TRAPPC9: variants seen among roughly 807,000 people sequenced by gnomAD.
The protein encoded by TRAPPC9 is IKK2 binding protein.
A neutral mutation model predicts 124.0 loss-of-function variants in TRAPPC9; 83 were observed. That is an observed-to-expected ratio of 0.67 (90% confidence interval 0.56 to 0.80). The LOEUF is 0.80. Ranked by LOEUF, TRAPPC9 falls within the 30% of genes least tolerant of loss-of-function variation. TRAPPC9 has a pLI of 0.00. For synonymous variants in TRAPPC9, 638 were observed against 617.5 expected, an observed-to-expected ratio of 1.03 and a Z score of -0.49; for missense variants, 1,302 against 1,508.3, an observed-to-expected ratio of 0.86 and a Z score of 2.27.
intron 17 of TRAPPC9, among the ~76,000 whole-genome samples, chr8:140,052,692 G>T (rs941989173): frequency 6.6e-6 from 1 of 151,972 alleles, no homozygotes; most frequent in Non-Finnish European, 1.5e-5. Context: ...TGAGGCAGGA[G>T]AATTGCTTGA....
chr8:139,769,147 C>T (rs987089275), intron 21 of TRAPPC9, among the ~76,000 whole-genome samples: 8 of 152,198 alleles, frequency 5.3e-5, no homozygotes, highest in Non-Finnish European at 7.3e-5. Context: ...CTGTTATCCT[C>T]GGGGGCAGGT....
intron 18 of TRAPPC9, among the ~76,000 whole-genome samples, chr8:140,006,142 G>T (rs1838732051): frequency 6.6e-6 from 1 of 152,178 alleles, no homozygotes; most frequent in African/African-American, 2.4e-5. Context: ...AACAGGTTTA[G>T]TGGCAGATGG....
At chr8:140,245,085 C>T (rs1327272311) in intron 16 of TRAPPC9, among the ~76,000 whole-genome samples, 12 of 152,114 alleles carry the variant, frequency 7.9e-5, no homozygotes, top group Middle Eastern at 6.8e-3. Flanking sequence ...ATTACAGGCA[C>T]GAGCCACCGC....
chr8:139,988,269 T>C (rs1399263944), intron 19 of TRAPPC9, among the ~76,000 whole-genome samples: 2 of 151,678 alleles, frequency 1.3e-5, no homozygotes, highest in Non-Finnish European at 2.9e-5. Context: ...TGCACCACCA[T>C]GCCCGGGTAG....
At chr8:140,112,740 T>G (rs1258612958) in intron 17 of TRAPPC9, among the ~76,000 whole-genome samples, 3 of 152,188 alleles carry the variant, frequency 2.0e-5, no homozygotes, top group Non-Finnish European at 4.4e-5. Flanking sequence ...CCCCTTTTAA[T>G]AGGTGGCCTT....
chr8:140,221,647 G>A, intron 16 of TRAPPC9, 64 bp from the exon 17 acceptor site: 3 of 1,557,162 alleles, frequency 1.9e-6, no homozygotes, highest in Non-Finnish European at 1.7e-6. Flanking sequence ...TGTTGTTGTT[G>A]TTGTTGTTTG....
intron 15 of TRAPPC9, 37 bp downstream of exon 15, chr8:140,275,607 CAAGTAAACAATACA>C: frequency 6.4e-7 from 1 of 1,574,256 alleles, no homozygotes; most frequent in South Asian, 1.1e-5. Context: ...ATCTCTTCTA[CAAGTAAACAATACA>C]AACATTCCCA....
intron 17 of TRAPPC9, among the ~76,000 whole-genome samples, chr8:140,030,978 T>A (rs1840461884): frequency 6.6e-6 from 1 of 152,232 alleles, no homozygotes; most frequent in African/African-American, 2.4e-5. Flanking sequence ...ACTGTATGGT[T>A]AATGAGGCTA....
In TRAPPC9 at chr8:139,727,993, C is replaced by T. The variant is rs1446226164; in HGVS notation, c.*3068G>A. On this transcript the variant is annotated 3_prime_UTR_variant, in exon 23 of 23. Coordinates refer to ENST00000438773, the MANE Select transcript of TRAPPC9 (RefSeq NM_001160372.4). The stretch of plus-strand genomic sequence containing the variant: ...CAATGGGAAGGCTAGGAGAAGGGAC[C>T]CAGTATTTATTAAGAAGTTGCTATC... Among the ~76,000 whole-genome samples, 2 of 151,304 alleles carry T rather than the reference C, an allele frequency of 1.3e-5. No homozygotes were observed. The highest frequency in any genetic ancestry group is 2.4e-5 in the African/African-American group (1 of 40,956).
At chr8:140,408,273 G>C (rs934164146) in intron 5 of TRAPPC9, among the ~76,000 whole-genome samples, 69 of 152,124 alleles carry the variant, frequency 4.5e-4, no homozygotes, top group Admixed American at 4.5e-3. Flanking sequence ...GCATGGATGA[G>C]AAGTCACGGG....
At chr8:140,317,761 T>C (rs2066478898) in intron 9 of TRAPPC9, among the ~76,000 whole-genome samples, 1 of 152,226 alleles carries the variant, frequency 6.6e-6, no homozygotes, top group South Asian at 2.1e-4. Context: ...TATTGTACTA[T>C]GTTCTTTAGA....
At chr8:139,985,386 C>T (rs1837178933) in intron 19 of TRAPPC9, among the ~76,000 whole-genome samples, 1 of 152,200 alleles carries the variant, frequency 6.6e-6, no homozygotes, top group African/African-American at 2.4e-5. Context: ...AGTCCGAGGG[C>T]TGACAGTTCC....
At chr8:140,377,316 GAGAC>G (rs2068470949) in intron 7 of TRAPPC9, among the ~76,000 whole-genome samples, 1 of 148,456 alleles carries the variant, frequency 6.7e-6, no homozygotes, top group South Asian at 2.1e-4. Context: ...CTCTTTTTTT[GAGAC>G]AGAATTTCAC....
At chr8:140,418,154 T>C (rs1182689817) in intron 5 of TRAPPC9, among the ~76,000 whole-genome samples, 1 of 152,132 alleles carries the variant, frequency 6.6e-6, no homozygotes, top group South Asian at 2.1e-4. Flanking sequence ...GGCACGTGTA[T>C]ACCTATATAA....
At chr8:140,215,348 C>T (rs1368988569) in intron 17 of TRAPPC9, among the ~76,000 whole-genome samples, 1 of 152,078 alleles carries the variant, frequency 6.6e-6, no homozygotes, top group African/African-American at 2.4e-5. Flanking sequence ...TTAGAAGAGA[C>T]ACAGAGGGCA....
intron 17 of TRAPPC9, chr8:140,040,694 G>C (rs1429683695): frequency 6.6e-6 from 1 of 152,342 alleles, no homozygotes; most frequent in Non-Finnish European, 1.5e-5. Context: ...ACACTGGCAA[G>C]CTTTCTATGT....
chr8:139,982,523 T>G (rs1687276489), intron 19 of TRAPPC9, among the ~76,000 whole-genome samples: 1 of 152,134 alleles, frequency 6.6e-6, no homozygotes, highest in South Asian at 2.1e-4. Context: ...GAAACAGGGT[T>G]CCGAATGTCA....
intron 17 of TRAPPC9, among the ~76,000 whole-genome samples, chr8:140,103,556 C>A (rs569119746): frequency 1.3e-5 from 2 of 152,220 alleles, no homozygotes; most frequent in Admixed American, 1.3e-4. Flanking sequence ...CCCCTCCAAC[C>A]GCAAAGAATT....
rs1340212344 is a variant in TRAPPC9, at chr8:139,997,724, G to A, written c.2700-8888C>T. On this transcript the variant is annotated intron_variant, in intron 18 of 22. Coordinates refer to ENST00000438773, the MANE Select transcript of TRAPPC9 (RefSeq NM_001160372.4). ...CAGGGAGACAATGCATCCCACACAG[G>A]GGAAACAATGCATCCTACACAGGGA... Among the ~76,000 whole-genome samples, 3 of 96,822 alleles carry A rather than the reference G, an allele frequency of 3.1e-5. 1 individual carries two copies. Among genetic ancestry groups the A allele is most frequent in the Non-Finnish European group, 5.2e-5 (2 of 38,830 alleles). 63.5% of individuals were successfully genotyped at this position (96,822 alleles called of 152,430 possible).
Sources: gnomAD v4.1 joint callset for allele counts (sites outside exome capture counted in the v4.1 genomes callset) on GRCh38, gnomAD v4.1.1 for gene constraint, MANE v1.5 for transcripts, NCBI Gene and HGNC (gene_info 2026-07-23, HGNC 2026-07-21) for gene names.